Variants in PPFIA2 observed in about 807,000 individuals in gnomAD.
PPFIA2 encodes PPFI scaffold protein A2.
PPFIA2 carries 46 observed loss-of-function variants against 175.5 expected under a neutral mutation model. The observed-to-expected ratio is 0.26, with a 90% CI of 0.21 to 0.34. The LOEUF (loss-of-function observed/expected upper bound fraction) is 0.34. PPFIA2 is among the 10% of genes least tolerant of loss of function. The pLI is 1.00. For missense variants in PPFIA2, 1,179 were observed against 1,506.1 expected (o/e 0.78, Z 3.60); for synonymous variants, 568 against 511.4 (o/e 1.11, Z -1.49).
chr12:81,718,673 A>G (rs2078957346), intron 3 of PPFIA2, among the ~76,000 whole-genome samples: 1 of 151,690 alleles, frequency 6.6e-6, no homozygotes, highest in Non-Finnish European at 1.5e-5. Context: ...ATGTATGGAA[A>G]GTGACTTCCC....
rs372285152 is a variant in PPFIA2 at position 81,483,940 on chromosome 12, G to A, written c.304-26074C>T. ...TCCCTTTTTTTTGGGTTTGGTGACCGATAAAAGTAAATTATTTCTTGCCCT... is the reference window on the plus strand; with the variant it reads ...TCCCTTTTTTTTGGGTTTGGTGACCAATAAAAGTAAATTATTTCTTGCCCT... On this transcript the variant is annotated intron_variant, in intron 4 of 32. Coordinates refer to ENST00000549396, the MANE Select transcript of PPFIA2 (RefSeq NM_003625.5). Among the ~76,000 whole-genome samples the A allele has an allele frequency of 5.9e-5, 9 of 151,608 alleles. No homozygotes were observed. In the South Asian group the frequency reaches 6.2e-4, roughly 11 times the overall value.
rs796127864 is a variant in PPFIA2, at chr12:81,302,871, T to C, written c.2643-3489A>G. On this transcript the variant is annotated intron_variant, in intron 22 of 32. Coordinates refer to ENST00000549396, the MANE Select transcript of PPFIA2 (RefSeq NM_003625.5). Reference sequence around the variant, plus strand: ...AAGCAATGCTAGAAAAATAAAGCAATGTGGGCAATGCTATAATACTTGGAA... The same window carrying C: ...AAGCAATGCTAGAAAAATAAAGCAACGTGGGCAATGCTATAATACTTGGAA... Among the ~76,000 whole-genome samples, 6 of 152,192 alleles carry C rather than the reference T, an allele frequency of 3.9e-5. No homozygotes were observed. The East Asian group carries it at 7.7e-4, about 20-fold the overall frequency.
chr12:81,608,662 T>C (rs2060579881), intron 4 of PPFIA2, among the ~76,000 whole-genome samples: 1 of 152,054 alleles, frequency 6.6e-6, no homozygotes, highest in Non-Finnish European at 1.5e-5. Context: ...TTTCTGACTG[T>C]ACTTATTTGG....
Position 81,701,058 on chromosome 12 carries a change from A to C in PPFIA2, c.250-24214T>G, listed in dbSNP as rs1049117440. Among the ~76,000 whole-genome samples, 2 of 152,178 alleles carry C rather than the reference A, an allele frequency of 1.3e-5. 1 individual carries two copies. The highest frequency in any genetic ancestry group is 4.8e-5 in the African/African-American group (2 of 41,454). On this transcript the variant is annotated intron_variant, in intron 3 of 32. Transcript: ENST00000549396. ...ATAAGTAAAGGTATACAAGATTTTA[A>C]GACTGACAGCTTGGGTTCCAGAATG...
chr12:81,293,257 CAAATAATT>C (rs1490857246), intron 24 of PPFIA2, among the ~76,000 whole-genome samples: 4 of 151,402 alleles, frequency 2.6e-5, no homozygotes, highest in Non-Finnish European at 5.9e-5. Flanking sequence ...ATGGAATAAA[CAAATAATT>C]AAATACTATT....
At chr12:81,636,512 G>A (rs1475552217) in intron 4 of PPFIA2, among the ~76,000 whole-genome samples, 8 of 150,304 alleles carry the variant, frequency 5.3e-5, no homozygotes, top group Admixed American at 2.0e-4. Context: ...TGATCCGCCC[G>A]CCTCGGCCTC....
intron 4 of PPFIA2, among the ~76,000 whole-genome samples, chr12:81,498,077 G>C (rs2060217330): frequency 6.6e-6 from 1 of 152,096 alleles, no homozygotes; most frequent in African/African-American, 2.4e-5. Flanking sequence ...GAGTTGGCAT[G>C]GTGCAAGAAA....
intron 4 of PPFIA2, among the ~76,000 whole-genome samples, chr12:81,470,296 C>T (rs1057376821): frequency 2.6e-5 from 4 of 152,172 alleles, no homozygotes; most frequent in Non-Finnish European, 5.9e-5. Flanking sequence ...ACACAGCTCT[C>T]TAAAGATAAG....
intron 4 of PPFIA2, among the ~76,000 whole-genome samples, chr12:81,540,608 G>C (rs1468526527): frequency 2.0e-5 from 3 of 151,908 alleles, no homozygotes; most frequent in Non-Finnish European, 4.4e-5. Flanking sequence ...AGCTCTTTAG[G>C]AGTTTAAAAA....
intron 4 of PPFIA2, among the ~76,000 whole-genome samples, chr12:81,619,709 T>C (rs2061815811): frequency 6.6e-6 from 1 of 152,240 alleles, no homozygotes; most frequent in Non-Finnish European, 1.5e-5. Context: ...TTCTCCCAGT[T>C]AGATAAAATG....
At chr12:81,535,835 T>C (rs1341109907) in intron 4 of PPFIA2, among the ~76,000 whole-genome samples, 2 of 151,836 alleles carry the variant, frequency 1.3e-5, no homozygotes, top group African/African-American at 4.8e-5. Flanking sequence ...TCACTTGTTA[T>C]AACTATAACT....
At chr12:81,674,061 A>C (rs1041729660) in intron 4 of PPFIA2, among the ~76,000 whole-genome samples, 2 of 152,038 alleles carry the variant, frequency 1.3e-5, no homozygotes, top group African/African-American at 4.8e-5. Context: ...CCTTCTATAT[A>C]TGCCTTACCA....
At chr12:81,387,532 T>C (rs939231396) in intron 8 of PPFIA2, among the ~76,000 whole-genome samples, 2 of 151,990 alleles carry the variant, frequency 1.3e-5, no homozygotes, top group African/African-American at 2.4e-5. Flanking sequence ...TGTGGAGAAA[T>C]AGCTGAGAGA....
At chr12:81,440,249 C>G (rs914571925) in intron 6 of PPFIA2, among the ~76,000 whole-genome samples, 5 of 152,060 alleles carry the variant, frequency 3.3e-5, no homozygotes, top group Non-Finnish European at 7.4e-5. Flanking sequence ...AAGGGATTTC[C>G]TTGTAAGCAA....
rs561001023 is a variant in PPFIA2, at chr12:81,350,681, T to C, written c.1994+2438A>G. On this transcript the variant is annotated intron_variant, in intron 17 of 32. Coordinates refer to ENST00000549396, the MANE Select transcript of PPFIA2 (RefSeq NM_003625.5). ...GGTTGGTATCCTAAGAACAATTGAA[T>C]GGTTAGAAAAAGGGGGATTACATAA... Among the ~76,000 whole-genome samples the C allele has an allele frequency of 9.2e-5, 14 of 152,152 alleles. No individual in the cohort carries two copies. The South Asian group carries it at 2.5e-3, about 27-fold the overall frequency.
rs148842147 is a variant in PPFIA2 at position 81,660,390 on chromosome 12, C to A, written c.303+16401G>T. On this transcript the variant is annotated intron_variant, in intron 4 of 32. Transcript: ENST00000549396. ...CCTGAAAACCTTGGCACGAGAACTA[C>A]GTGACAAATGCACAAGCTTCAGTAG... 0.021 allele frequency among the ~76,000 whole-genome samples: 3,130 copies of A among 152,172 alleles called. 192 individuals carry two copies. The East Asian group carries it at 0.25, about 12-fold the overall frequency.
intron 28 of PPFIA2, among the ~76,000 whole-genome samples, chr12:81,268,786 G>A (rs777085916): frequency 6.6e-5 from 10 of 152,134 alleles, no homozygotes; most frequent in Non-Finnish European, 1.5e-4. Context: ...AACAGCAGAC[G>A]AGATTGTAAT....
intron 22 of PPFIA2, among the ~76,000 whole-genome samples, chr12:81,306,423 G>A (rs1441403243): frequency 6.6e-6 from 1 of 151,924 alleles, no homozygotes; most frequent in Non-Finnish European, 1.5e-5. Flanking sequence ...TTTTTACAAA[G>A]GTTTTGTAAG....
intron 7 of PPFIA2, among the ~76,000 whole-genome samples, chr12:81,414,921 A>T (rs911352531): frequency 1.3e-5 from 2 of 151,118 alleles, no homozygotes; most frequent in African/African-American, 4.8e-5. Context: ...CCAAGCCAGT[A>T]ACTATTTCCT....
Sources: allele counts gnomAD v4.1 joint callset (sites outside exome capture counted in the v4.1 genomes callset), GRCh38; gene constraint gnomAD v4.1.1; transcripts MANE v1.5; gene names NCBI Gene and HGNC (gene_info 2026-07-23, HGNC 2026-07-21).